The following CSMD1 variants were observed in gnomAD, a reference collection of about 807,000 sequenced individuals.
CSMD1 encodes the protein CUB and Sushi multiple domains 1.
In CSMD1, 213 loss-of-function variants were observed where a neutral mutation model predicts 417.5. That is an observed-to-expected ratio of 0.51 (90% CI 0.46 to 0.57). The LOEUF is 0.57. Ranked by LOEUF, CSMD1 falls within the 20% of genes least tolerant of loss-of-function variation. The pLI, the probability that CSMD1 is intolerant of heterozygous loss-of-function variation, is 0.00. For synonymous variants in CSMD1, 2,862 were observed against 1,736.8 expected (o/e 1.65, Z -16.11); for missense variants, 6,923 against 4,529.7 (o/e 1.53, Z -15.17).
At chr8:4,005,688 C>G (rs937266781) in intron 4 of CSMD1, among the ~76,000 whole-genome samples, 1 of 152,214 alleles carries the variant, frequency 6.6e-6, no homozygotes, top group East Asian at 1.9e-4. Flanking sequence ...CTTCAAACAA[C>G]AGAAGAACTT....
intron 1 of CSMD1, among the ~76,000 whole-genome samples, chr8:4,930,683 T>G (rs963360702): frequency 1.3e-5 from 2 of 152,316 alleles, no homozygotes; most frequent in African/African-American, 4.8e-5. Context: ...CAGGTATCAA[T>G]GTTTAGGTCG....
At position 2,978,572 on chromosome 8, in the gene CSMD1, A is replaced by G. The variant is rs751630809; in HGVS notation, c.8566+40T>C. 2.7e-6 allele frequency: 4 copies of G among 1,483,678 alleles called. No individual in the cohort carries two copies. In the East Asian group the frequency reaches 7.5e-5, roughly 28 times the overall value. 91.9% of individuals were successfully genotyped at this position (1,483,678 alleles called of 1,614,324 possible). A position where few individuals can be genotyped will look rare whatever the true frequency, so the allele number is the denominator to read the frequency against. On this transcript the variant is annotated intron_variant, in intron 55 of 69. Transcript: ENST00000635120. ...AATTTTCTGCTGATGGTGACCTTGC[A>G]GGGGTCTCTGCACAGAAATTGGGAA...
intron 38 of CSMD1, among the ~76,000 whole-genome samples, chr8:3,159,248 A>G (rs977596063): frequency 8.5e-5 from 13 of 152,204 alleles, no homozygotes; most frequent in African/African-American, 2.7e-4. Flanking sequence ...ATATTCTGCT[A>G]TTGATTTTGT....
Position 3,188,906 on chromosome 8 carries a change from G to T in CSMD1, c.5504C>A (p.Thr1835Lys), listed in dbSNP as rs374772217. The change falls in exon 35 of 70, where the codon ACG becomes AAG. Residue 1835 changes from threonine (T) to lysine (K), a missense_variant. Thr to Lys is a moderately conservative substitution (Grantham distance 78). Transcript: ENST00000635120. Reference protein sequence around the residue: ...NLNCIWKIIVTEGSGIQIQVI... With the variant: ...NLNCIWKIIVKEGSGIQIQVI... ...ACTCACCTGAATTCCCGAGCCCTCC[G>T]TAACTATGATCTTCCATATACAGTT... 2 of 1,586,970 alleles carry T rather than the reference G, an allele frequency of 1.3e-6. No homozygotes were observed. Among genetic ancestry groups the T allele is most frequent in the African/African-American group, 2.7e-5 (2 of 74,502 alleles).
intron 3 of CSMD1, among the ~76,000 whole-genome samples, chr8:4,040,614 T>G (rs536825174): frequency 6.6e-6 from 1 of 152,188 alleles, no homozygotes; most frequent in Non-Finnish European, 1.5e-5. Flanking sequence ...TTGGGGAGAC[T>G]TACGATGTTT....
intron 1 of CSMD1, among the ~76,000 whole-genome samples, chr8:4,935,956 C>T (rs35289607): frequency 0.25 from 38,740 of 152,200 alleles, 6,009 homozygotes; most frequent in Non-Finnish European, 0.36. Context: ...AGTACTTACA[C>T]TGCCTTTTCA....
At chr8:3,028,005 C>T (rs574613341) in intron 51 of CSMD1, among the ~76,000 whole-genome samples, 1 of 152,300 alleles carries the variant, frequency 6.6e-6, no homozygotes, top group Admixed American at 6.5e-5. Context: ...GCAGCAAATA[C>T]CATTTGGCAC....
chr8:4,521,651 C>G (rs1248916971), intron 2 of CSMD1, among the ~76,000 whole-genome samples: 1 of 152,058 alleles, frequency 6.6e-6, no homozygotes, highest in African/African-American at 2.4e-5. Flanking sequence ...AAAAAGGTGG[C>G]CCTCAGGTCC....
chr8:4,693,701 C>A (rs759287556), intron 1 of CSMD1, among the ~76,000 whole-genome samples: 29 of 150,376 alleles, frequency 1.9e-4, no homozygotes, highest in Non-Finnish European at 3.7e-4. Flanking sequence ...GGTCTCCCTA[C>A]GCTTCCCAGG....
chr8:4,358,287 T>C (rs1801548569), intron 3 of CSMD1, among the ~76,000 whole-genome samples: 1 of 152,208 alleles, frequency 6.6e-6, no homozygotes, highest in South Asian at 2.1e-4. Context: ...AGCGCGGCCA[T>C]GGGCCAGATC....
intron 3 of CSMD1, among the ~76,000 whole-genome samples, chr8:4,110,358 G>A (rs780153984): frequency 2.1e-4 from 32 of 152,224 alleles, no homozygotes; most frequent in South Asian, 1.0e-3. Context: ...CTATGGATAT[G>A]TATGTTTTTA....
intron 3 of CSMD1, among the ~76,000 whole-genome samples, chr8:4,121,849 T>G (rs1019474745): frequency 2.0e-5 from 3 of 152,098 alleles, no homozygotes; most frequent in African/African-American, 4.8e-5. Context: ...AAAAGCATTC[T>G]TTTTTCAATA....
intron 3 of CSMD1, among the ~76,000 whole-genome samples, chr8:4,049,405 C>A (rs185055539): frequency 6.6e-6 from 1 of 151,574 alleles, no homozygotes; most frequent in African/African-American, 2.4e-5. Flanking sequence ...ACGTCATCTG[C>A]GGAGAAAAAT....
chr8:3,695,895 T>G (rs1054043579), intron 7 of CSMD1, among the ~76,000 whole-genome samples: 2 of 152,210 alleles, frequency 1.3e-5, no homozygotes, highest in Non-Finnish European at 2.9e-5. Context: ...TTGTACTCAT[T>G]TGATATCTTT....
chr8:2,974,309 G>A, intron 56 of CSMD1, 142 bp downstream of exon 56: 1 of 712,606 alleles, frequency 1.4e-6, no homozygotes, highest in Non-Finnish European at 2.2e-6. Flanking sequence ...CGGCGTATTT[G>A]GCTAGAAATG....
chr8:4,718,056 C>T lies in CSMD1; in HGVS notation c.86-80498G>A, dbSNP rs536488135. ...GCAGTGGCACAATCACAGCTCCCTG[C>T]AGCCTCTACCTCCCTGGATCAGGAG... On this transcript the variant is annotated intron_variant, in intron 1 of 69. Transcript: ENST00000635120. 3.9e-5 allele frequency among the ~76,000 whole-genome samples: 6 copies of T among 152,308 alleles called. 1 individual carries two copies. In the East Asian group the frequency reaches 7.7e-4, roughly 20 times the overall value.
chr8:3,431,559 G>C (rs767712018), intron 12 of CSMD1, among the ~76,000 whole-genome samples: 7 of 152,080 alleles, frequency 4.6e-5, no homozygotes, highest in Non-Finnish European at 7.4e-5. Context: ...CCTTGTATGA[G>C]AGTTAAATTA....
intron 25 of CSMD1, among the ~76,000 whole-genome samples, chr8:3,299,519 A>T (rs1043610447): frequency 6.6e-6 from 1 of 152,012 alleles, no homozygotes; most frequent in Admixed American, 6.6e-5. Flanking sequence ...CAGGCACGTG[A>T]GGAAAAGCAC....
intron 26 of CSMD1, among the ~76,000 whole-genome samples, chr8:3,244,875 A>T (rs967458647): frequency 2.7e-4 from 41 of 152,070 alleles, no homozygotes; most frequent in African/African-American, 9.7e-4. Context: ...GATTTTTAGG[A>T]CCTGACTCTC....
Sources: allele counts gnomAD v4.1 joint callset (sites outside exome capture counted in the v4.1 genomes callset), GRCh38; gene constraint gnomAD v4.1.1; transcripts MANE v1.5; gene names NCBI Gene and HGNC (gene_info 2026-07-23, HGNC 2026-07-21).